The following EXT1 variants were observed in gnomAD, a reference collection of about 807,000 sequenced individuals.
EXT1 encodes the protein exostosin glycosyltransferase 1.
In EXT1, 20 loss-of-function variants were observed where a neutral mutation model predicts 82.5. That is an observed-to-expected ratio of 0.24 (90% CI 0.17 to 0.35). The LOEUF is 0.35. EXT1 is among the 10% of genes least tolerant of loss of function. The pLI is 1.00. For synonymous variants in EXT1, 348 were observed against 350.8 expected (o/e 0.99, Z 0.09); for missense variants, 757 against 936.5 (o/e 0.81, Z 2.50).
At chr8:118,019,592 G>A (rs1029664465) in intron 1 of EXT1, among the ~76,000 whole-genome samples, 6 of 152,210 alleles carry the variant, frequency 3.9e-5, no homozygotes, top group Admixed American at 1.3e-4. Flanking sequence ...GACCAGAAAA[G>A]GAACCTTGAA....
intron 1 of EXT1, among the ~76,000 whole-genome samples, chr8:118,098,138 G>A (rs1379021679): frequency 2.6e-5 from 4 of 152,158 alleles, no homozygotes; most frequent in Non-Finnish European, 5.9e-5. Flanking sequence ...AAGCAGGGTG[G>A]TGATCATATT....
intron 1 of EXT1, among the ~76,000 whole-genome samples, chr8:118,071,673 C>T (rs1817097701): frequency 6.6e-6 from 1 of 152,170 alleles, no homozygotes; most frequent in African/African-American, 2.4e-5. Flanking sequence ...TCCCATCCTT[C>T]TATCCACCCA....
At chr8:117,835,686 G>A in intron 2 of EXT1, 135 bp from the exon 3 acceptor site, 1 of 703,428 alleles carries the variant, frequency 1.4e-6, no homozygotes, top group South Asian at 1.6e-5. Flanking sequence ...TAGGCCAGAA[G>A]GAAAGGAAGC....
intron 1 of EXT1, among the ~76,000 whole-genome samples, chr8:118,064,808 G>A (rs931152258): frequency 2.7e-5 from 4 of 149,700 alleles, no homozygotes; most frequent in African/African-American, 9.8e-5. Flanking sequence ...GTGTAAAAGT[G>A]TTCGTATTTC....
intron 1 of EXT1, among the ~76,000 whole-genome samples, chr8:118,087,724 A>C (rs913078734): frequency 3.3e-5 from 5 of 152,176 alleles, no homozygotes; most frequent in African/African-American, 1.2e-4. Flanking sequence ...CATGCATGTA[A>C]TTGGGAAGCA....
At position 117,982,454 on chromosome 8, in the gene EXT1, C is replaced by A. The variant is rs529037708; in HGVS notation, c.962+127631G>T. On this transcript the variant is annotated intron_variant, in intron 1 of 10. Coordinates refer to ENST00000378204, the MANE Select transcript of EXT1 (RefSeq NM_000127.3). ...TTATGGTAGTTCCACCTAAGATAATCTCCCTATTTTAAGGCCAACTATTTA... is the reference window on the plus strand; with the variant it reads ...TTATGGTAGTTCCACCTAAGATAATATCCCTATTTTAAGGCCAACTATTTA... 9.2e-5 allele frequency among the ~76,000 whole-genome samples: 14 copies of A among 152,254 alleles called. No individual in the cohort carries two copies. In the South Asian group the frequency reaches 2.9e-3, roughly 32 times the overall value.
At chr8:118,038,827 GA>G (rs1311389938) in intron 1 of EXT1, among the ~76,000 whole-genome samples, 1 of 152,164 alleles carries the variant, frequency 6.6e-6, no homozygotes, top group Non-Finnish European at 1.5e-5. Flanking sequence ...ACTGATTTCA[GA>G]AAAAGGTCTT....
chr8:117,837,674 G>T (rs150154453), intron 1 of EXT1, among the ~76,000 whole-genome samples: 16 of 152,026 alleles, frequency 1.1e-4, no homozygotes, highest in Non-Finnish European at 1.5e-4. Flanking sequence ...TCAATCACAG[G>T]CACAAAACAA....
At chr8:117,977,040 AAT>A (rs1815078784) in intron 1 of EXT1, among the ~76,000 whole-genome samples, 1 of 152,120 alleles carries the variant, frequency 6.6e-6, no homozygotes, top group Non-Finnish European at 1.5e-5. Flanking sequence ...GTTACTACAT[AAT>A]ATGTTAAGGC....
At chr8:117,899,728 A>G (rs1235145287) in intron 1 of EXT1, among the ~76,000 whole-genome samples, 1 of 152,198 alleles carries the variant, frequency 6.6e-6, no homozygotes, top group Admixed American at 6.5e-5. Flanking sequence ...AGCAAGATAA[A>G]TGCAACCAAT....
At chr8:117,885,721 C>G (rs572099581) in intron 1 of EXT1, among the ~76,000 whole-genome samples, 2 of 152,276 alleles carry the variant, frequency 1.3e-5, no homozygotes, top group Admixed American at 1.3e-4. Flanking sequence ...TTTTTGATAG[C>G]CATTCACATA....
intron 1 of EXT1, among the ~76,000 whole-genome samples, chr8:117,868,574 C>A (rs1812813421): frequency 6.6e-6 from 1 of 152,164 alleles, no homozygotes; most frequent in Non-Finnish European, 1.5e-5. Flanking sequence ...ACCTCAGCCT[C>A]CTGAGTAGCT....
intron 1 of EXT1, among the ~76,000 whole-genome samples, chr8:118,033,535 G>A (rs1159819795): frequency 6.6e-6 from 1 of 152,194 alleles, no homozygotes; most frequent in Non-Finnish European, 1.5e-5. Flanking sequence ...CTGGAGTGCA[G>A]TGGCATGATC....
chr8:117,878,984 A>G (rs1249059111), intron 1 of EXT1, among the ~76,000 whole-genome samples: 1 of 152,252 alleles, frequency 6.6e-6, no homozygotes, highest in Admixed American at 6.5e-5. Context: ...TGGCAGAAGG[A>G]AACATGAGAA....
At chr8:117,984,643 T>C (rs1396161835) in intron 1 of EXT1, among the ~76,000 whole-genome samples, 2 of 152,032 alleles carry the variant, frequency 1.3e-5, no homozygotes, top group African/African-American at 4.8e-5. Flanking sequence ...TGAACAAGCA[T>C]CTGGTGAACA....
chr8:118,025,856 A>G (rs1178017345), intron 1 of EXT1, among the ~76,000 whole-genome samples: 1 of 152,232 alleles, frequency 6.6e-6, no homozygotes, highest in Non-Finnish European at 1.5e-5. Flanking sequence ...ATAAATGACA[A>G]GAAATGAGAA....
intron 1 of EXT1, among the ~76,000 whole-genome samples, chr8:118,031,331 C>G (rs1399673834): frequency 6.6e-6 from 1 of 152,018 alleles, no homozygotes; most frequent in South Asian, 2.1e-4. Flanking sequence ...TTGAGACCAG[C>G]CTGGCCAACA....
At chr8:118,061,139 C>T (rs1197468564) in intron 1 of EXT1, among the ~76,000 whole-genome samples, 4 of 152,172 alleles carry the variant, frequency 2.6e-5, no homozygotes, top group African/African-American at 7.2e-5. Context: ...ATCTAAAATC[C>T]ATCCTTATTA....
chr8:118,050,012 T>C (rs1234517370), intron 1 of EXT1, among the ~76,000 whole-genome samples: 1 of 152,176 alleles, frequency 6.6e-6, no homozygotes, highest in East Asian at 1.9e-4. Context: ...GTCCTTCTTT[T>C]ATTCAAGGTC....
Sources: allele counts gnomAD v4.1 joint callset (sites outside exome capture counted in the v4.1 genomes callset), GRCh38; gene constraint gnomAD v4.1.1; transcripts MANE v1.5; gene names NCBI Gene and HGNC (gene_info 2026-07-23, HGNC 2026-07-21).